The following FAM120A variants were observed in gnomAD, a reference collection of about 807,000 sequenced individuals.
FAM120A encodes constitutive coactivator of PPAR-gamma-like protein 1.
A neutral mutation model predicts 109.7 loss-of-function variants in FAM120A; 15 were observed. The observed-to-expected ratio is 0.14, with a 90% CI of 0.09 to 0.21. The LOEUF (loss-of-function observed/expected upper bound fraction) is 0.21, where lower values mean the gene tolerates loss of function less well. Among genes scored for constraint, FAM120A ranks in the 10% least tolerant of loss-of-function variants. The pLI, the probability that FAM120A is intolerant of heterozygous loss-of-function variation, is 1.00. For missense variants in FAM120A, 899 were observed against 1,439.3 expected (o/e 0.62, Z 6.07); for synonymous variants, 493 against 572.8 (o/e 0.86, Z 1.99).
At chr9:93,550,794 A>G (rs1333888705) in intron 12 of FAM120A, 103 bp downstream of exon 12, 1 of 776,946 alleles carries the variant, frequency 1.3e-6, no homozygotes, top group Non-Finnish European at 2.2e-6. Context: ...CTTTAAACTA[A>G]TTGCTTTAGT....
intron 10 of FAM120A, among the ~76,000 whole-genome samples, chr9:93,534,102 C>T (rs1376177213): frequency 6.6e-6 from 1 of 152,146 alleles, no homozygotes; most frequent in African/African-American, 2.4e-5. Flanking sequence ...GTCTGCAGCA[C>T]GCACGGCTGA....
chr9:93,462,853 A>G (rs1285737467), intron 1 of FAM120A, among the ~76,000 whole-genome samples: 2 of 152,214 alleles, frequency 1.3e-5, no homozygotes, highest in Non-Finnish European at 2.9e-5. Context: ...TACATGTTGT[A>G]ACGTGTCAGA....
chr9:93,459,555 T>G (rs934082459), intron 1 of FAM120A, among the ~76,000 whole-genome samples: 1 of 152,220 alleles, frequency 6.6e-6, no homozygotes, highest in African/African-American at 2.4e-5. Context: ...AAGGAAACCT[T>G]CAGGGAGCCT....
chr9:93,540,474 T>C (rs997023942), intron 10 of FAM120A, among the ~76,000 whole-genome samples: 10 of 152,198 alleles, frequency 6.6e-5, no homozygotes, highest in Non-Finnish European at 1.2e-4. Flanking sequence ...CTGTCCCTAC[T>C]GTGTCGACAG....
rs115800839 is a variant in FAM120A, at chr9:93,553,755, C to T, written c.2275-2627C>T. ...CTGTGACCTTGAACCCTCTGTGACC[C>T]GTCTGTACAAGGGAGTACTATTTAG... On this transcript the variant is annotated intron_variant, in intron 12 of 17. Coordinates refer to ENST00000277165, the MANE Select transcript of FAM120A (RefSeq NM_014612.5). Among the ~76,000 whole-genome samples the T allele has an allele frequency of 6.7e-3, 1,020 of 152,204 alleles. 15 individuals are homozygous for T. The highest frequency in any genetic ancestry group is 0.024 in the African/African-American group (983 of 41,520).
At chr9:93,511,154 G>A (rs2494780) in intron 5 of FAM120A, among the ~76,000 whole-genome samples, 7,785 of 151,476 alleles carry the variant, frequency 0.051, 390 homozygotes, top group African/African-American at 0.12. Context: ...ATTCTTTCAC[G>A]TGCCACGCAG....
chr9:93,481,059 C>T (rs1411252639), intron 3 of FAM120A, among the ~76,000 whole-genome samples: 1 of 152,224 alleles, frequency 6.6e-6, no homozygotes, highest in Non-Finnish European at 1.5e-5. Context: ...TCCTCCTGTG[C>T]CCTGGGAGTG....
chr9:93,519,003 G>A (rs1860729331), intron 7 of FAM120A, among the ~76,000 whole-genome samples: 1 of 151,958 alleles, frequency 6.6e-6, no homozygotes, highest in Admixed American at 6.6e-5. Flanking sequence ...TCTTCTTCCA[G>A]TGTGGCCCAG....
chr9:93,534,515 A>T (rs1331817986), intron 10 of FAM120A, among the ~76,000 whole-genome samples: 1 of 152,098 alleles, frequency 6.6e-6, no homozygotes, highest in East Asian at 1.9e-4. Flanking sequence ...ACAAAACAGG[A>T]TGGTGGCAGC....
chr9:93,543,440 A>G lies in FAM120A; in HGVS notation c.2128A>G (p.Thr710Ala). The G allele has an allele frequency of 1.2e-6, 2 of 1,613,858 alleles. No individual in the cohort carries two copies. Among genetic ancestry groups the G allele is most frequent in the Non-Finnish European group, 8.5e-7 (1 of 1,179,952 alleles). The change falls in exon 11 of 18, where the codon ACT (threonine) becomes GCT (alanine). Residue 710 changes from threonine (T) to alanine (A), a missense_variant. Transcript: ENST00000277165. ...CATGCTCAACCCTGCCAACGTGCCC[A>G]CTCACCTCATGGTGCTCTGCTGCGT... ...PAMLNPANVP[T>A]HLMVLCCVLR...
rs1859647477 is a variant in FAM120A, at chr9:93,498,084, CCTG to C, written c.933+489_933+491del. Among the ~76,000 whole-genome samples the C allele has an allele frequency of 6.6e-6, 1 of 152,148 alleles. No individual in the cohort carries two copies. Among genetic ancestry groups the C allele is most frequent in the East Asian group, 1.9e-4 (1 of 5,182 alleles). The stretch of plus-strand genomic sequence containing the variant: ...AGAATAGGCAAGGCTCTGTGAAACT[CCTG>C]CTGTGTCTCTAGAGAGCTGAAATGC... On this transcript the variant is annotated intron_variant, in intron 4 of 17. Transcript: ENST00000277165. The surrounding 1 kb of genome is among the most constrained non-coding windows in gnomAD (Gnocchi z 4.4).
intron 8 of FAM120A, among the ~76,000 whole-genome samples, chr9:93,528,213 T>C (rs1227815113): frequency 6.6e-6 from 1 of 152,244 alleles, no homozygotes; most frequent in Non-Finnish European, 1.5e-5. Flanking sequence ...TGTATTCTTA[T>C]GGAATGGAAA....
At chr9:93,474,778 A>G (rs1858476360) in intron 2 of FAM120A, among the ~76,000 whole-genome samples, 1 of 152,118 alleles carries the variant, frequency 6.6e-6, no homozygotes, top group Admixed American at 6.5e-5. Flanking sequence ...TATTTTTAGT[A>G]GAGATGGGGT....
intron 10 of FAM120A, among the ~76,000 whole-genome samples, chr9:93,542,298 G>A (rs979132855): frequency 2.0e-5 from 3 of 152,152 alleles, no homozygotes; most frequent in Admixed American, 1.3e-4. Flanking sequence ...TGAACCACTT[G>A]TTACTTATAA....
intron 3 of FAM120A, among the ~76,000 whole-genome samples, chr9:93,487,893 G>A (rs1286223242): frequency 6.6e-6 from 1 of 152,176 alleles, no homozygotes; most frequent in African/African-American, 2.4e-5. Context: ...TGGGCAGTAT[G>A]ATTCTATTCT....
Position 93,564,608 on chromosome 9 carries a change from G to A in FAM120A, c.*68G>A. The A allele has an allele frequency of 7.5e-7, 1 of 1,330,318 alleles. No homozygotes were observed. Among genetic ancestry groups the A allele is most frequent in the African/African-American group, 1.5e-5 (1 of 68,164 alleles). The allele number at this position is 1,330,318 out of a possible 1,614,324, so 82.4% of individuals were successfully genotyped here. A position where few individuals can be genotyped will look rare whatever the true frequency, so the allele number is the denominator to read the frequency against. Reference sequence around the variant, plus strand: ...ATTTAGGAATATCTGGAGAGAAAGAGAGCCTGCAGTTATGTACATTTTGTC... The same window carrying A: ...ATTTAGGAATATCTGGAGAGAAAGAAAGCCTGCAGTTATGTACATTTTGTC... On this transcript the variant is annotated 3_prime_UTR_variant, in exon 18 of 18. Coordinates refer to ENST00000277165, the MANE Select transcript of FAM120A (RefSeq NM_014612.5).
intron 1 of FAM120A, among the ~76,000 whole-genome samples, chr9:93,453,770 C>T (rs1381456608): frequency 1.3e-5 from 2 of 152,150 alleles, no homozygotes; most frequent in Non-Finnish European, 2.9e-5. Flanking sequence ...GAGCCTGGGG[C>T]GCTCAGGGAA....
chr9:93,527,074 G>C, intron 7 of FAM120A, 81 bp from the exon 8 acceptor site: 1 of 1,057,694 alleles, frequency 9.5e-7, no homozygotes, highest in South Asian at 1.3e-5. Flanking sequence ...TGAGCCTGAA[G>C]ACTTAGCTGA....
rs1859761143 is a variant in FAM120A, at chr9:93,500,641, AGAG to A, written c.1030+1756_1030+1758del. Among the ~76,000 whole-genome samples, 1 of 152,258 alleles carries A rather than the reference AGAG, an allele frequency of 6.6e-6. No homozygotes were observed. Among genetic ancestry groups the A allele is most frequent in the African/African-American group, 2.4e-5 (1 of 41,470 alleles). ...ATTGATCCACTTGGTTTTTAAATCA[AGAG>A]AGTGAAGTGGTGAGATGTGTTTTAG... On this transcript the variant is annotated intron_variant, in intron 5 of 17. Coordinates refer to ENST00000277165, the MANE Select transcript of FAM120A (RefSeq NM_014612.5). The surrounding 1 kb of genome is among the most constrained non-coding windows in gnomAD (Gnocchi z 4.6).
Sources: allele counts gnomAD v4.1 joint callset (sites outside exome capture counted in the v4.1 genomes callset), GRCh38; gene constraint gnomAD v4.1.1; non-coding constraint Gnocchi (gnomAD v3.1); transcripts MANE v1.5; gene names NCBI Gene and HGNC (gene_info 2026-07-23, HGNC 2026-07-21).